Variants in DOCK11 observed in about 807,000 individuals in gnomAD.
DOCK11 encodes dedicator of cytokinesis protein 11.
DOCK11 carries 70 observed loss-of-function variants against 169.1 expected under a neutral mutation model. The ratio of observed to expected loss-of-function variants is 0.41; its 90% CI spans 0.34 to 0.51. The LOEUF is 0.51. Among genes scored for constraint, DOCK11 ranks in the 20% least tolerant of loss-of-function variants. DOCK11 has a pLI of 0.10. For missense variants in DOCK11, 1,166 were observed against 1,538.8 expected, an observed-to-expected ratio of 0.76 and a Z score of 4.05; for synonymous variants, 529 against 541.3, an observed-to-expected ratio of 0.98 and a Z score of 0.32.
chrX:118,648,206 AT>A (rs1295873613), intron 40 of DOCK11, among the ~76,000 whole-genome samples: 7 of 54,478 alleles, frequency 1.3e-4, no homozygotes, highest in African/African-American at 6.9e-4. Context: ...AATATATAAT[AT>A]TATAATATTA....
intron 19 of DOCK11, 111 bp from the exon 20 acceptor site, chrX:118,593,103 G>T: frequency 1.2e-6 from 1 of 850,415 alleles, no homozygotes; most frequent in Non-Finnish European, 1.6e-6. Context: ...TTGGCCACTT[G>T]GCCAGTCCTT....
rs12353701 is a variant in DOCK11 at position 118,590,341 on chromosome X, G to A, written c.2139+39G>A. 0.015 allele frequency: 15,963 copies of A among 1,032,922 alleles called. 635 individuals are homozygous for A. Among genetic ancestry groups the A allele is most frequent in the African/African-American group, 0.12 (6,302 of 52,878 alleles). The allele number at this position is 1,032,922 out of a possible 1,213,427, so 85.1% of individuals were successfully genotyped here. The stretch of plus-strand genomic sequence containing the variant: ...ATCCTGACATTTCTAAAACACAGTG[G>A]TTGGAATTCTTTTTCTCTTTGAATC... On this transcript the variant is annotated intron_variant, in intron 19 of 52. Transcript: ENST00000276202.
Position 118,584,807 on chromosome X carries a change from T to C in DOCK11, c.1668T>C (p.Ser556=), listed in dbSNP as rs1289595035. ...TTTCTCCTCTGTATAAACAAGACAG[T>C]AGCAAGCTTTCAAGTGAAGACATTC... is the stretch of plus-strand genomic sequence containing the variant. The part of the protein sequence containing the change: ...GRFSPLYKQD[S]SKLSSEDILK... The change falls in exon 15 of 53, where the codon AGT becomes AGC. Residue 556 remains serine, a synonymous_variant. Transcript: ENST00000276202. 2.5e-6 allele frequency: 3 copies of C among 1,203,467 alleles called. No individual in the cohort carries two copies. Among genetic ancestry groups the C allele is most frequent in the Non-Finnish European group, 3.4e-6 (3 of 891,635 alleles).
intron 1 of DOCK11, among the ~76,000 whole-genome samples, chrX:118,539,309 A>C (rs2011873871): frequency 8.9e-6 from 1 of 112,237 alleles, no homozygotes; most frequent in Admixed American, 9.5e-5. Flanking sequence ...ATTGGAGAAC[A>C]TTACGCTAAG....
At chrX:118,613,024 T>C (rs1424519100) in intron 28 of DOCK11, among the ~76,000 whole-genome samples, 1 of 112,133 alleles carries the variant, frequency 8.9e-6, no homozygotes, top group African/African-American at 3.2e-5. Flanking sequence ...CACTTATCTT[T>C]TAGGCTCAGC....
intron 1 of DOCK11, among the ~76,000 whole-genome samples, chrX:118,508,417 C>T (rs988902390): frequency 9.0e-6 from 1 of 111,430 alleles, no homozygotes; most frequent in South Asian, 3.8e-4. Context: ...ACAGTGTTCA[C>T]GGTGTGAATG....
chrX:118,518,606 A>G (rs1374236977), intron 1 of DOCK11, among the ~76,000 whole-genome samples: 1 of 111,908 alleles, frequency 8.9e-6, no homozygotes, highest in African/African-American at 3.2e-5. Context: ...TAACTGAAAA[A>G]GTAGGGCAAA....
intron 1 of DOCK11, among the ~76,000 whole-genome samples, chrX:118,508,787 C>A (rs182655562): frequency 3.2e-3 from 363 of 112,164 alleles, no homozygotes; most frequent in Non-Finnish European, 5.4e-3. Flanking sequence ...GGGAACTTGG[C>A]CTCCGTCTGT....
intron 28 of DOCK11, among the ~76,000 whole-genome samples, chrX:118,610,893 G>T (rs1205960304): frequency 3.6e-5 from 4 of 110,991 alleles, no homozygotes; most frequent in Admixed American, 2.9e-4. Flanking sequence ...ACAAAAATCA[G>T]CTGGGTGTGG....
chrX:118,615,500 A>T, intron 29 of DOCK11, 100 bp from the exon 30 acceptor site: 2 of 633,212 alleles, frequency 3.2e-6, no homozygotes, highest in Non-Finnish European at 4.9e-6. Context: ...TGCTTAGAAT[A>T]CTAAGCACTT....
At chrX:118,556,040 TTTTC>T (rs1295604358) in intron 6 of DOCK11, among the ~76,000 whole-genome samples, 2 of 96,168 alleles carry the variant, frequency 2.1e-5, no homozygotes, top group East Asian at 3.9e-4. Context: ...TCCTACTTTC[TTTTC>T]TTTCTTTTTT....
chrX:118,599,146 A>C lies in DOCK11; in HGVS notation c.2480A>C (p.His827Pro), dbSNP rs781136438. 55 of 1,206,167 alleles carry C rather than the reference A, an allele frequency of 4.6e-5. No individual in the cohort carries two copies. Among genetic ancestry groups the C allele is most frequent in the East Asian group, 3.0e-5 (1 of 33,737 alleles). The change falls in exon 23 of 53, where the codon CAT (histidine) becomes CCT (proline). Residue 827 changes from histidine (H) to proline (P), a missense_variant. Transcript: ENST00000276202. ...TTTCCATCTGTGTTCCAGGATCTGC[A>C]TGTGCACAAATTCTTCCATCATTGC... ...LESTIYTQDL[H>P]VHKFFHHCQL...
At chrX:118,600,409 T>TA (rs749187430) in intron 23 of DOCK11, among the ~76,000 whole-genome samples, 946 of 73,916 alleles carry the variant, frequency 0.013, 5 homozygotes, top group South Asian at 0.055. Flanking sequence ...TCTTTTTTTT[T>TA]AAAAAAAAAA....
chrX:118,557,785 AAAAAAG>A (rs2012759882), intron 6 of DOCK11, among the ~76,000 whole-genome samples: 1 of 103,967 alleles, frequency 9.6e-6, no homozygotes, highest in African/African-American at 3.6e-5. Context: ...AAAAAAAAAA[AAAAAAG>A]AGAAGAAATA....
In DOCK11 at chrX:118,612,143, ACT is replaced by A. The variant is rs1283096131; in HGVS notation, c.3096+1728_3096+1729del. Reference sequence around the variant, plus strand: ...CTCAAAGCTCTTCATTACTCTCAAAACTCTTCATATTAAGAACCTTGTGGGCA... The same window carrying A: ...CTCAAAGCTCTTCATTACTCTCAAAACTTCATATTAAGAACCTTGTGGGCA... On this transcript the variant is annotated intron_variant, in intron 28 of 52. Transcript: ENST00000276202. 1.4e-4 allele frequency among the ~76,000 whole-genome samples: 15 copies of A among 110,980 alleles called. No homozygotes were observed. In the South Asian group the frequency reaches 5.7e-3, roughly 42 times the overall value.
Position 118,538,666 on chromosome X carries a change from G to C in DOCK11, c.103-4059G>C, listed in dbSNP as rs1045982855. ...TTTTACTTAGCACTGCTCCGGAACT[G>C]TATGGAAGTTGCTATTATTTGAATG... On this transcript the variant is annotated intron_variant, in intron 1 of 52. Coordinates refer to ENST00000276202, the MANE Select transcript of DOCK11 (RefSeq NM_144658.4). 18 of 748,756 alleles carry C rather than the reference G, an allele frequency of 2.4e-5. No individual in the cohort carries two copies. The Admixed American group carries it at 1.2e-3, about 52-fold the overall frequency. 61.7% of individuals were successfully genotyped at this position (748,756 alleles called of 1,213,427 possible).
intron 22 of DOCK11, among the ~76,000 whole-genome samples, chrX:118,598,748 A>T (rs1245421327): frequency 1.8e-5 from 2 of 112,336 alleles, no homozygotes; most frequent in South Asian, 7.3e-4. Flanking sequence ...GCCTGAGACT[A>T]TTGTTCTGCT....
chrX:118,519,442 C>T (rs1038041535), intron 1 of DOCK11, among the ~76,000 whole-genome samples: 1 of 111,783 alleles, frequency 8.9e-6, no homozygotes, highest in Non-Finnish European at 1.9e-5. Context: ...CCCAGCTACT[C>T]GGGTGGTGGA....
intron 6 of DOCK11, among the ~76,000 whole-genome samples, chrX:118,549,276 C>T (rs924749490): frequency 3.8e-4 from 42 of 109,471 alleles, no homozygotes; most frequent in African/African-American, 1.3e-3. Context: ...TCCTGTGTAG[C>T]TGGGATTACA....
Sources: allele counts gnomAD v4.1 joint callset (sites outside exome capture counted in the v4.1 genomes callset), GRCh38; gene constraint gnomAD v4.1.1; transcripts MANE v1.5; gene names NCBI Gene and HGNC (gene_info 2026-07-23, HGNC 2026-07-21).